The following UBXN2B variants were observed in gnomAD, a reference collection of about 807,000 sequenced individuals.
UBXN2B encodes UBX domain protein 2B.
A neutral mutation model predicts 37.5 loss-of-function variants in UBXN2B; 19 were observed. That is an observed-to-expected ratio of 0.51 (90% CI 0.35 to 0.74). UBXN2B has a LOEUF of 0.74. Ranked by LOEUF, UBXN2B falls within the 30% of genes least tolerant of loss-of-function variation. The pLI, the probability that UBXN2B is intolerant of heterozygous loss-of-function variation, is 0.01. For missense variants in UBXN2B, 370 were observed against 393.2 expected, an observed-to-expected ratio of 0.94 and a Z score of 0.50; for synonymous variants, 145 against 143.8, an observed-to-expected ratio of 1.01 and a Z score of -0.06.
chr8:58,422,559 T>TA (rs1807956520), intron 2 of UBXN2B, among the ~76,000 whole-genome samples: 1 of 152,266 alleles, frequency 6.6e-6, no homozygotes, highest in Non-Finnish European at 1.5e-5. Flanking sequence ...TAGCAAATCT[T>TA]ACCATTTGGC....
chr8:58,445,266 TC>T (rs1808640327), intron 6 of UBXN2B, among the ~76,000 whole-genome samples: 1 of 152,220 alleles, frequency 6.6e-6, no homozygotes, highest in Non-Finnish European at 1.5e-5. Flanking sequence ...CTATCAAGCT[TC>T]ATTATGAATT....
chr8:58,434,922 A>G (rs1485910449), intron 5 of UBXN2B: 2 of 1,535,608 alleles, frequency 1.3e-6, no homozygotes, highest in South Asian at 1.2e-5. Flanking sequence ...TTAATGTGGC[A>G]TTACTGCTGG....
chr8:58,434,796 A>C (rs1158211266), intron 5 of UBXN2B: 5 of 1,529,538 alleles, frequency 3.3e-6, no homozygotes, highest in Non-Finnish European at 3.5e-6. Context: ...TGTGATAATC[A>C]GTGAATTAAT....
intron 2 of UBXN2B, chr8:58,425,093 C>T (rs1016836682): frequency 2.3e-5 from 18 of 790,010 alleles, no homozygotes; most frequent in Non-Finnish European, 3.2e-5. Context: ...ATGGGCACTC[C>T]GTGGTCCGGC....
Position 58,411,486 on chromosome 8 carries a change from G to C in UBXN2B, c.84+17G>C, listed in dbSNP as rs996893602. The C allele has an allele frequency of 1.5e-5, 19 of 1,248,886 alleles. No individual in the cohort carries two copies. The highest frequency in any genetic ancestry group is 1.9e-5 in the Non-Finnish European group (19 of 992,356). The allele number at this position is 1,248,886 out of a possible 1,614,324, so 77.4% of individuals were successfully genotyped here. On this transcript the variant is annotated intron_variant, in intron 1 of 7. Coordinates refer to ENST00000399598, the MANE Select transcript of UBXN2B (RefSeq NM_001077619.2). ...GATTTGCAGGTGAGGCGAGGAGCCG[G>C]GGGAGGGAGCGCGGCGGTGGACGCG...
chr8:58,438,135 G>A (rs1808460044), intron 5 of UBXN2B, among the ~76,000 whole-genome samples: 1 of 152,170 alleles, frequency 6.6e-6, no homozygotes, highest in Non-Finnish European at 1.5e-5. Context: ...CGCTCTGAAG[G>A]GCACAAGCCA....
intron 1 of UBXN2B, among the ~76,000 whole-genome samples, chr8:58,412,580 C>T (rs1001354568): frequency 6.6e-6 from 1 of 152,146 alleles, no homozygotes; most frequent in Non-Finnish European, 1.5e-5. Flanking sequence ...ATAGTTGGTT[C>T]AGTAGTAGTA....
At chr8:58,432,554 T>G (rs553379373) in intron 3 of UBXN2B, among the ~76,000 whole-genome samples, 12 of 152,028 alleles carry the variant, frequency 7.9e-5, no homozygotes, top group Non-Finnish European at 1.8e-4. Flanking sequence ...AGCTAATTTT[T>G]TGTATTTTTA....
At chr8:58,431,441 A>G (rs1808274739) in intron 3 of UBXN2B, among the ~76,000 whole-genome samples, 1 of 152,220 alleles carries the variant, frequency 6.6e-6, no homozygotes, top group South Asian at 2.1e-4. Context: ...AGCATTTTAT[A>G]TAGATATACC....
chr8:58,425,344 C>T (rs554215545), intron 2 of UBXN2B: 42 of 1,149,740 alleles, frequency 3.7e-5, no homozygotes, highest in Middle Eastern at 3.9e-4. Flanking sequence ...GAATACCATC[C>T]GCCAAAAGTC....
chr8:58,426,624 A>G (rs1808099896), intron 2 of UBXN2B: 2 of 745,948 alleles, frequency 2.7e-6, no homozygotes, highest in Admixed American at 1.7e-5. Flanking sequence ...TCCTCTTATC[A>G]ACAGTGGGTT....
intron 5 of UBXN2B, 59 bp downstream of exon 5, chr8:58,434,563 G>A: frequency 8.1e-7 from 1 of 1,241,228 alleles, no homozygotes; most frequent in East Asian, 2.6e-5. Flanking sequence ...TTTCTTAACA[G>A]ACTACTCATT....
chr8:58,419,962 C>T (rs930335635), intron 2 of UBXN2B, among the ~76,000 whole-genome samples: 1 of 152,152 alleles, frequency 6.6e-6, no homozygotes, highest in African/African-American at 2.4e-5. Context: ...CAAGGGGACT[C>T]GATTTTCACT....
intron 2 of UBXN2B, among the ~76,000 whole-genome samples, chr8:58,422,935 T>C (rs887410813): frequency 3.9e-5 from 6 of 152,228 alleles, no homozygotes; most frequent in African/African-American, 1.4e-4. Flanking sequence ...TGGTTTTCCA[T>C]GGCAGTGGTT....
chr8:58,423,424 GT>G (rs1426129098), intron 2 of UBXN2B, among the ~76,000 whole-genome samples: 92 of 147,576 alleles, frequency 6.2e-4, no homozygotes, highest in African/African-American at 2.0e-3. Context: ...TTGGGGGTGG[GT>G]TTTTTTTTTG....
intron 5 of UBXN2B, among the ~76,000 whole-genome samples, chr8:58,438,952 C>G (rs1808481274): frequency 6.6e-6 from 1 of 152,086 alleles, no homozygotes; most frequent in Non-Finnish European, 1.5e-5. Flanking sequence ...TTGGTGCCAT[C>G]CCCATGGTAA....
At chr8:58,421,236 T>C (rs550235243) in intron 2 of UBXN2B, among the ~76,000 whole-genome samples, 8 of 152,240 alleles carry the variant, frequency 5.3e-5, no homozygotes, top group African/African-American at 1.7e-4. Flanking sequence ...GTCCTACACA[T>C]GTTTTCTCAT....
intron 7 of UBXN2B, 57 bp downstream of exon 7, chr8:58,446,125 C>A (rs1467231549): frequency 2.7e-6 from 4 of 1,460,510 alleles, no homozygotes; most frequent in Non-Finnish European, 3.6e-6. Context: ...GATTGCTTAT[C>A]TAAGTAGAAC....
intron 2 of UBXN2B, among the ~76,000 whole-genome samples, chr8:58,420,478 A>T (rs1352741778): frequency 6.6e-6 from 1 of 152,224 alleles, no homozygotes; most frequent in African/African-American, 2.4e-5. Flanking sequence ...CATCAAAATG[A>T]TGACATCCTA....
Sources: gnomAD v4.1 joint callset for allele counts (sites outside exome capture counted in the v4.1 genomes callset) on GRCh38, gnomAD v4.1.1 for gene constraint, MANE v1.5 for transcripts, NCBI Gene and HGNC (gene_info 2026-07-23, HGNC 2026-07-21) for gene names.